Variants in IST1 observed in about 807,000 individuals in gnomAD.
IST1 encodes IST1 homolog.
A neutral mutation model predicts 37.0 loss-of-function variants in IST1; 23 were observed. That is an observed-to-expected ratio of 0.62 (90% CI 0.45 to 0.88). The LOEUF (loss-of-function observed/expected upper bound fraction) is 0.88. Among genes scored for constraint, IST1 ranks in the 40% least tolerant of loss-of-function variants. The pLI, the probability that IST1 is intolerant of heterozygous loss-of-function variation, is 0.00. For synonymous variants in IST1, 180 were observed against 161.7 expected, an observed-to-expected ratio of 1.11 and a Z score of -0.86; for missense variants, 488 against 445.4, an observed-to-expected ratio of 1.10 and a Z score of -0.86.
intron 8 of IST1, chr16:71,923,618 G>T: frequency 2.7e-6 from 1 of 364,616 alleles, no homozygotes; most frequent in East Asian, 5.9e-5. Context: ...GGAAGGAACT[G>T]CAGATTTCTT....
chr16:71,913,242 C>A (rs1274865750), intron 1 of IST1, among the ~76,000 whole-genome samples: 1 of 151,914 alleles, frequency 6.6e-6, no homozygotes, highest in Non-Finnish European at 1.5e-5. Flanking sequence ...ACAAGGGTTC[C>A]ATTTTCTCCA....
rs7195988 is a variant in IST1 at position 71,929,283 on chromosome 16, C to T, written c.*1470C>T. On this transcript the variant is annotated 3_prime_UTR_variant, in exon 10 of 10. Transcript: ENST00000378799. Reference sequence around the variant, plus strand: ...GCTCACTTCTGACTGCTTCATTTCCCGCAGCCATCCTGGGCCATGGGTGGT... The same window carrying T: ...GCTCACTTCTGACTGCTTCATTTCCTGCAGCCATCCTGGGCCATGGGTGGT... 0.22 allele frequency: 69,049 copies of T among 315,676 alleles called. 9,018 individuals are homozygous for T. Among genetic ancestry groups the T allele is most frequent in the Non-Finnish European group, 0.27 (46,991 of 171,220 alleles). The allele number at this position is 315,676 out of a possible 1,614,324, so 19.6% of individuals were successfully genotyped here.
chr16:71,921,930 G>C (rs867623195), intron 6 of IST1, among the ~76,000 whole-genome samples: 4 of 152,332 alleles, frequency 2.6e-5, no homozygotes, highest in South Asian at 4.1e-4. Flanking sequence ...AAGGTCAGGA[G>C]ATCGAGACCA....
intron 8 of IST1, chr16:71,924,114 G>A (rs1306998811): frequency 6.6e-6 from 3 of 456,022 alleles, no homozygotes; most frequent in East Asian, 1.4e-4. Context: ...CCTTGGGCCT[G>A]AGTTTTTCTT....
chr16:71,906,890 A>G (rs374491093), intron 1 of IST1, among the ~76,000 whole-genome samples: 58 of 152,118 alleles, frequency 3.8e-4, no homozygotes, highest in African/African-American at 1.3e-3. Flanking sequence ...TCAGCTGGGT[A>G]CGGTTGTCTC....
upstream of IST1, chr16:71,895,402 G>C (rs1045482388): frequency 4.4e-6 from 2 of 456,892 alleles, no homozygotes; most frequent in African/African-American, 4.3e-5. Flanking sequence ...GAGGGAGGGT[G>C]CCCCGAGTCA....
chr16:71,916,273 A>G (rs1039351602), intron 2 of IST1, among the ~76,000 whole-genome samples, 189 bp from the exon 3 acceptor site: 2 of 152,224 alleles, frequency 1.3e-5, no homozygotes, highest in Non-Finnish European at 2.9e-5. Context: ...GTCAAGCCAC[A>G]TGAGCTATAT....
chr16:71,916,127 C>A (rs112565660), intron 2 of IST1, among the ~76,000 whole-genome samples: 31 of 152,256 alleles, frequency 2.0e-4, no homozygotes, highest in African/African-American at 1.4e-4. Flanking sequence ...CTACCATGCC[C>A]GCCCTGGGAT....
chr16:71,900,166 C>CAA lies in IST1; in HGVS notation c.-16+4591_-16+4592dup, dbSNP rs59470234. 3.7e-3 allele frequency among the ~76,000 whole-genome samples: 467 copies of CAA among 126,724 alleles called. 2 individuals carry two copies. The highest frequency in any genetic ancestry group is 5.1e-3 in the Admixed American group (63 of 12,430). 83.1% of individuals were successfully genotyped at this position (126,724 alleles called of 152,430 possible). ...GGGCAACAAGAGTGAAACTCGGTCT[C>CAA]AAAAAAAAAAAAAAAGATCAGAATA... On this transcript the variant is annotated intron_variant, in intron 1 of 9. Coordinates refer to ENST00000378799, the MANE Select transcript of IST1 (RefSeq NM_001270975.2).
At chr16:71,907,348 G>A (rs1259521223) in intron 1 of IST1, among the ~76,000 whole-genome samples, 2 of 148,798 alleles carry the variant, frequency 1.3e-5, no homozygotes, top group Admixed American at 6.8e-5. Context: ...TGCGATCTCC[G>A]CTCACTGCAA....
chr16:71,927,543 A>T, intron 9 of IST1, 71 bp from the exon 10 acceptor site: 1 of 1,097,306 alleles, frequency 9.1e-7, no homozygotes, highest in Non-Finnish European at 1.4e-6. Flanking sequence ...TGATCATTTT[A>T]TTTTTACTGC....
intron 1 of IST1, among the ~76,000 whole-genome samples, chr16:71,896,661 TA>T (rs773932004): frequency 3.3e-5 from 5 of 152,224 alleles, no homozygotes; most frequent in East Asian, 1.9e-4. Context: ...ACTTCTGGGA[TA>T]GGGGGACTTG....
chr16:71,917,900 G>T (rs943978690), intron 4 of IST1, among the ~76,000 whole-genome samples: 9 of 152,066 alleles, frequency 5.9e-5, no homozygotes, highest in African/African-American at 2.2e-4. Context: ...TTTCTCTCAA[G>T]TTCATTTTTC....
At chr16:71,913,964 A>T (rs2142561787) in intron 1 of IST1, among the ~76,000 whole-genome samples, 1 of 151,844 alleles carries the variant, frequency 6.6e-6, no homozygotes, top group East Asian at 1.9e-4. Context: ...ATGCGCCACC[A>T]CGCCTGGCTA....
intron 8 of IST1, chr16:71,923,974 C>A (rs915791198): frequency 2.7e-6 from 1 of 372,162 alleles, no homozygotes; most frequent in Non-Finnish European, 5.3e-6. Context: ...CTGTCTCCAT[C>A]TAGTATTTTA....
chr16:71,912,294 G>T (rs1180811021), intron 1 of IST1, among the ~76,000 whole-genome samples: 1 of 152,028 alleles, frequency 6.6e-6, no homozygotes, highest in Non-Finnish European at 1.5e-5. Flanking sequence ...CTGGAGTGCG[G>T]TGGCGCGGTC....
chr16:71,928,101 C>T lies in IST1; in HGVS notation c.*288C>T, dbSNP rs2037795923. On this transcript the variant is annotated 3_prime_UTR_variant, in exon 10 of 10. Coordinates refer to ENST00000378799, the MANE Select transcript of IST1 (RefSeq NM_001270975.2). ...TTTCCTCCTGGCCCGTCCCATGGTC[C>T]CTCCACAGGAGTGTGAGAGGATGGG... 3 of 399,612 alleles carry T rather than the reference C, an allele frequency of 7.5e-6. No homozygotes were observed. The Admixed American group carries it at 1.1e-4, about 15-fold the overall frequency. The allele number at this position is 399,612 out of a possible 1,614,324, so 24.8% of individuals were successfully genotyped here.
At chr16:71,896,155 C>T (rs1597225879) in intron 1 of IST1, among the ~76,000 whole-genome samples, 1 of 152,046 alleles carries the variant, frequency 6.6e-6, no homozygotes, top group East Asian at 1.9e-4. Flanking sequence ...CGGCCTCTGC[C>T]CGCTTTCTCG....
At chr16:71,899,707 C>T (rs1029794347) in intron 1 of IST1, among the ~76,000 whole-genome samples, 1 of 151,974 alleles carries the variant, frequency 6.6e-6, no homozygotes, top group Non-Finnish European at 1.5e-5. Context: ...GAAACCCTGT[C>T]TCTACTAAAA....
Sources: allele counts gnomAD v4.1 joint callset (sites outside exome capture counted in the v4.1 genomes callset), GRCh38; gene constraint gnomAD v4.1.1; transcripts MANE v1.5; gene names NCBI Gene and HGNC (gene_info 2026-07-23, HGNC 2026-07-21).